CLIP2: variants seen among roughly 807,000 people sequenced by gnomAD.
CLIP2 encodes the protein CAP-Gly domain-containing linker protein 2.
A neutral mutation model predicts 111.7 loss-of-function variants in CLIP2; 41 were observed. That is an observed-to-expected ratio of 0.37 (90% CI 0.29 to 0.48). The LOEUF (loss-of-function observed/expected upper bound fraction) is 0.48, where lower values mean the gene tolerates loss of function less well. Ranked by LOEUF, CLIP2 falls within the 20% of genes least tolerant of loss-of-function variation. The pLI is 0.99. For synonymous variants in CLIP2, 660 were observed against 644.2 expected (o/e 1.02, Z -0.37); for missense variants, 1,160 against 1,422.1 (o/e 0.82, Z 2.96).
At chr7:74,356,003 C>G (rs1790131003) in intron 4 of CLIP2, among the ~76,000 whole-genome samples, 1 of 152,176 alleles carries the variant, frequency 6.6e-6, no homozygotes, top group Non-Finnish European at 1.5e-5. Flanking sequence ...GAGGACCAGT[C>G]TCAGCTTTGC....
intron 9 of CLIP2, 52 bp from the exon 10 acceptor site, chr7:74,375,835 C>T: frequency 3.5e-6 from 5 of 1,442,894 alleles, no homozygotes; most frequent in Admixed American, 5.0e-5. Context: ...CCCTCCTTAC[C>T]TTCCAGCCAG....
intron 1 of CLIP2, among the ~76,000 whole-genome samples, chr7:74,302,622 T>C (rs1788370547): frequency 6.6e-6 from 1 of 152,178 alleles, no homozygotes; most frequent in Admixed American, 6.5e-5. Flanking sequence ...GCCAGAGAAG[T>C]TGGGGTTTGA....
At chr7:74,356,906 CTGGA>C (rs781916428) in intron 5 of CLIP2, among the ~76,000 whole-genome samples, 14 of 152,244 alleles carry the variant, frequency 9.2e-5, no homozygotes, top group Middle Eastern at 3.4e-3. Context: ...GCATCAAACC[CTGGA>C]TGAAGGGAAA....
Position 74,386,514 on chromosome 7 carries a change from C to G in CLIP2, c.2480-7C>G, listed in dbSNP as rs375613702. On this transcript the variant is annotated splice_region_variant and splice_polypyrimidine_tract_variant and intron_variant, in intron 11 of 16. Transcript: ENST00000223398. The stretch of plus-strand genomic sequence containing the variant: ...TTGATGCTTCTCGTCTCTCCTCTCT[C>G]CCCTAGGCCTGCAGGACAAGCTGAA... The G allele has an allele frequency of 1.9e-6, 3 of 1,611,196 alleles. No homozygotes were observed. In the Admixed American group the frequency reaches 5.0e-5, roughly 27 times the overall value.
At chr7:74,391,320 C>G (rs1156737361) in intron 13 of CLIP2, among the ~76,000 whole-genome samples, 1 of 152,098 alleles carries the variant, frequency 6.6e-6, no homozygotes, top group Non-Finnish European at 1.5e-5. Flanking sequence ...CAGAAAAAAC[C>G]TATTGTATTC....
At chr7:74,349,540 A>G (rs1281584364) in intron 3 of CLIP2, among the ~76,000 whole-genome samples, 1 of 140,586 alleles carries the variant, frequency 7.1e-6, no homozygotes, top group Non-Finnish European at 1.5e-5. Context: ...TCAGTGGGGT[A>G]GTGATACCTG....
intron 6 of CLIP2, among the ~76,000 whole-genome samples, chr7:74,357,763 CTTTTT>C (rs879962901): frequency 1.4e-5 from 2 of 143,974 alleles, no homozygotes; most frequent in Admixed American, 7.0e-5. Flanking sequence ...TTCTTTCTTT[CTTTTT>C]TTTTTTTTGA....
intron 3 of CLIP2, among the ~76,000 whole-genome samples, chr7:74,353,220 C>T (rs1469520638): frequency 3.3e-5 from 5 of 151,078 alleles, no homozygotes; most frequent in African/African-American, 1.2e-4. Context: ...ATACTAGACA[C>T]CGTATATACA....
chr7:74,359,556 C>T (rs1418949750), intron 6 of CLIP2, among the ~76,000 whole-genome samples: 4 of 151,916 alleles, frequency 2.6e-5, no homozygotes, highest in Admixed American at 2.0e-4. Flanking sequence ...GGGGTTTCAC[C>T]ATGTTAGCCA....
Position 74,338,751 on chromosome 7 carries a change from C to A in CLIP2, c.425C>A (p.Pro142His). The change falls in exon 3 of 17, where the codon CCC becomes CAC. Residue 142 changes from proline to histidine, a missense_variant. Physicochemically the swap from Pro to His is moderately conservative, Grantham distance 77. Transcript: ENST00000223398. The surrounding 1 kb of genome is among the most constrained non-coding windows in gnomAD (Gnocchi z 4.3). ...CPALQGIFTRPSKLTRQPTAE... is the reference protein window; with the variant it reads ...CPALQGIFTRHSKLTRQPTAE... ...GCCCTCCAGGGTATCTTCACGCGGC[C>A]CTCCAAGCTGACCCGGCAGCCCACG... is the stretch of plus-strand genomic sequence containing the variant. The A allele has an allele frequency of 6.2e-7, 1 of 1,603,418 alleles. No individual in the cohort carries two copies. The highest frequency in any genetic ancestry group is 8.5e-7 in the Non-Finnish European group (1 of 1,176,922).
At position 74,357,271 on chromosome 7, in the gene CLIP2, T is replaced by C; in HGVS notation, c.1018-9T>C. 6.2e-7 allele frequency: 1 copy of C among 1,613,646 alleles called. No homozygotes were observed. On this transcript the variant is annotated splice_polypyrimidine_tract_variant and intron_variant, in intron 5 of 16. Transcript: ENST00000223398. Reference sequence around the variant, plus strand: ...CCTGAGACCCGCCTGCATCCACACCTTCCTGCAGCTCACGGAGACCTCTTC... The same window carrying C: ...CCTGAGACCCGCCTGCATCCACACCCTCCTGCAGCTCACGGAGACCTCTTC...
At chr7:74,342,320 G>A (rs1789679142) in intron 3 of CLIP2, among the ~76,000 whole-genome samples, 5 of 151,954 alleles carry the variant, frequency 3.3e-5, no homozygotes, top group Admixed American at 3.3e-4. Flanking sequence ...AGATTGCAGA[G>A]AGCCGAGATC....
intron 1 of CLIP2, among the ~76,000 whole-genome samples, chr7:74,304,278 G>A (rs899240274): frequency 2.6e-5 from 4 of 151,838 alleles, no homozygotes; most frequent in Non-Finnish European, 4.4e-5. Flanking sequence ...TGTAATCCCA[G>A]CACTTTGGGA....
At position 74,338,824 on chromosome 7, in the gene CLIP2, C is replaced by T. The variant is rs782474721; in HGVS notation, c.498C>T (p.Ala166=). 1.2e-6 allele frequency: 2 copies of T among 1,611,260 alleles called. No homozygotes were observed. The highest frequency in any genetic ancestry group is 2.2e-5 in the South Asian group (2 of 91,080). ...CCCACTCCGTGGAGTCGCTGACTGC[C>T]CAGAACCTGTCATTGCATTCGGGCA... ...SDAHSVESLT[A]QNLSLHSGTA... The change falls in exon 3 of 17, where the codon GCC becomes GCT. Residue 166 remains alanine, a synonymous_variant. Coordinates refer to ENST00000223398, the MANE Select transcript of CLIP2 (RefSeq NM_003388.5). The surrounding 1 kb of genome is among the most constrained non-coding windows in gnomAD (Gnocchi z 4.3).
At chr7:74,333,698 G>A (rs1468492106) in intron 2 of CLIP2, among the ~76,000 whole-genome samples, 5 of 151,924 alleles carry the variant, frequency 3.3e-5, no homozygotes, top group African/African-American at 1.2e-4. Context: ...ACCCAGGCTG[G>A]TCTCAAACTC....
Position 74,388,953 on chromosome 7 carries a change from C to T in CLIP2, c.2564-150C>T, listed in dbSNP as rs1584385935. ...TCTGGGTGACAGAGCCAGACCCAAT[C>T]TCTAAAAAAACCGTCAAAACTATGC... On this transcript the variant is annotated intron_variant, in intron 12 of 16. Transcript: ENST00000223398. 1.5e-5 allele frequency: 14 copies of T among 904,370 alleles called. No homozygotes were observed. The East Asian group carries it at 3.6e-4, about 23-fold the overall frequency. 56.0% of individuals were successfully genotyped at this position (904,370 alleles called of 1,614,324 possible). A position where few individuals can be genotyped will look rare whatever the true frequency, so the allele number is the denominator to read the frequency against.
In CLIP2 at chr7:74,354,942, A is replaced by G. The variant is rs562215964; in HGVS notation, c.803+938A>G. On this transcript the variant is annotated intron_variant, in intron 4 of 16. Transcript: ENST00000223398. Reference sequence around the variant, plus strand: ...TCCAGGTCTCACAGCATCTCTGATGAAAAGGAATTGACTGCTGGCGTTGCT... The same window carrying G: ...TCCAGGTCTCACAGCATCTCTGATGGAAAGGAATTGACTGCTGGCGTTGCT... Among the ~76,000 whole-genome samples the G allele has an allele frequency of 7.6e-4, 115 of 152,252 alleles. 1 individual carries two copies. The highest frequency in any genetic ancestry group is 4.3e-3 in the Admixed American group (65 of 15,274).
chr7:74,359,511 G>A (rs781812107), intron 6 of CLIP2, among the ~76,000 whole-genome samples: 17 of 151,294 alleles, frequency 1.1e-4, no homozygotes, highest in East Asian at 3.9e-4. Flanking sequence ...CCACCACCAC[G>A]CCCAGCTAAT....
Position 74,376,451 on chromosome 7 carries a change from G to A in CLIP2, c.2050G>A (p.Ala684Thr). ...CGCCATGCACGTGAAGGAGAAGGAG[G>A]CCCTGCGAGAGAAGCTGCAGGAGGC... ...ETAMHVKEKE[A>T]LREKLQEAQE... The change falls in exon 10 of 17, where the codon GCC becomes ACC. Residue 684 changes from alanine to threonine, a missense_variant. By Grantham distance (58) the Ala-to-Thr change is moderately conservative. Transcript: ENST00000223398. This position sits in a 1 kb window ranked among gnomAD's most constrained non-coding sequence, Gnocchi z 7.1. 3 of 1,613,918 alleles carry A rather than the reference G, an allele frequency of 1.9e-6. No individual in the cohort carries two copies. The highest frequency in any genetic ancestry group is 2.5e-6 in the Non-Finnish European group (3 of 1,180,000).
Sources: allele counts gnomAD v4.1 joint callset (sites outside exome capture counted in the v4.1 genomes callset), GRCh38; gene constraint gnomAD v4.1.1; non-coding constraint Gnocchi (gnomAD v3.1); transcripts MANE v1.5; gene names NCBI Gene and HGNC (gene_info 2026-07-23, HGNC 2026-07-21).